The following SLC8A1 variants were observed in gnomAD, a reference collection of about 807,000 sequenced individuals.
SLC8A1 encodes solute carrier family 8 member A1, also known as sodium/calcium exchanger 1.
A neutral mutation model predicts 68.3 loss-of-function variants in SLC8A1; 18 were observed. The observed-to-expected ratio is 0.26, with a 90% CI of 0.18 to 0.39. The LOEUF (loss-of-function observed/expected upper bound fraction) is 0.39. Among genes scored for constraint, SLC8A1 ranks in the 10% least tolerant of loss-of-function variants. The pLI, the probability that SLC8A1 is intolerant of heterozygous loss-of-function variation, is 1.00. For missense variants in SLC8A1, 985 were observed against 1,156.7 expected, an observed-to-expected ratio of 0.85 and a Z score of 2.15; for synonymous variants, 475 against 415.5, an observed-to-expected ratio of 1.14 and a Z score of -1.74.
chr2:40,411,741 A>C (rs1406535794), intron 2 of SLC8A1, among the ~76,000 whole-genome samples: 1 of 152,094 alleles, frequency 6.6e-6, no homozygotes, highest in Non-Finnish European at 1.5e-5. Context: ...AAACCTTCAC[A>C]AAAAAGCAAG....
chr2:40,133,503 C>T (rs77768382), intron 7 of SLC8A1, among the ~76,000 whole-genome samples: 2,399 of 151,478 alleles, frequency 0.016, 73 homozygotes, highest in African/African-American at 0.054. Flanking sequence ...AAAGAATATT[C>T]GAAACATAGG....
At position 40,420,039 on chromosome 2, in the gene SLC8A1, A is replaced by G. The variant is rs1446817896; in HGVS notation, c.1808+8434T>C. 2.0e-5 allele frequency among the ~76,000 whole-genome samples: 3 copies of G among 152,294 alleles called. No homozygotes were observed. The South Asian group carries it at 6.2e-4, about 32-fold the overall frequency. Reference sequence around the variant, plus strand: ...ATATGCAAGATGTAACTGGACATTCATGTGATTTTAGGTAGAATTTTTTGT... The same window carrying G: ...ATATGCAAGATGTAACTGGACATTCGTGTGATTTTAGGTAGAATTTTTTGT... On this transcript the variant is annotated intron_variant, in intron 2 of 7. Transcript: ENST00000406785.
At chr2:40,390,291 CAT>C (rs1684867630) in intron 2 of SLC8A1, among the ~76,000 whole-genome samples, 1 of 152,042 alleles carries the variant, frequency 6.6e-6, no homozygotes, top group African/African-American at 2.4e-5. Flanking sequence ...GGCTTGGAAT[CAT>C]ATAATTATTT....
intron 2 of SLC8A1, among the ~76,000 whole-genome samples, chr2:40,379,022 C>T (rs1285855414): frequency 6.6e-6 from 1 of 152,114 alleles, no homozygotes; most frequent in Non-Finnish European, 1.5e-5. Flanking sequence ...CCCATGAGGG[C>T]AGGCTCTTTG....
chr2:40,436,352 G>A (rs1314203517), intron 1 of SLC8A1, among the ~76,000 whole-genome samples: 2 of 152,112 alleles, frequency 1.3e-5, no homozygotes, highest in Non-Finnish European at 2.9e-5. Flanking sequence ...GTTAAAAAAT[G>A]TTGTCTGTGT....
intron 2 of SLC8A1, among the ~76,000 whole-genome samples, chr2:40,200,222 T>TATATATAAATATAAA (rs1558722368): frequency 3.9e-4 from 2 of 5,172 alleles, no homozygotes; most frequent in African/African-American, 9.3e-4. Context: ...ATATATATTT[T>TATATATAAATATAAA]TTTATATATA....
At chr2:40,166,498 C>T (rs2046577523) in intron 4 of SLC8A1, among the ~76,000 whole-genome samples, 1 of 152,144 alleles carries the variant, frequency 6.6e-6, no homozygotes, top group Admixed American at 6.5e-5. Flanking sequence ...TGATTTTGGA[C>T]TGGCCAGAAG....
At chr2:40,449,621 G>A (rs1459194924) in intron 1 of SLC8A1, among the ~76,000 whole-genome samples, 1 of 152,142 alleles carries the variant, frequency 6.6e-6, no homozygotes, top group Non-Finnish European at 1.5e-5. Context: ...GTCAACAAAA[G>A]GGCTATGTGC....
chr2:40,370,162 C>A (rs529895772), intron 2 of SLC8A1, among the ~76,000 whole-genome samples: 13 of 152,218 alleles, frequency 8.5e-5, no homozygotes, highest in African/African-American at 2.9e-4. Context: ...GGAAAAAGGT[C>A]TCATTTCTGT....
At chr2:40,292,019 C>A (rs1354617775) in intron 2 of SLC8A1, among the ~76,000 whole-genome samples, 1 of 151,660 alleles carries the variant, frequency 6.6e-6, no homozygotes, top group South Asian at 2.1e-4. Flanking sequence ...ACTTCTAGCA[C>A]ATGCAGGTAG....
At chr2:40,195,592 GTAAA>G (rs2052812594) in intron 2 of SLC8A1, among the ~76,000 whole-genome samples, 1 of 152,008 alleles carries the variant, frequency 6.6e-6, no homozygotes, top group Non-Finnish European at 1.5e-5. Context: ...AATTATTTAA[GTAAA>G]TAGTGTTTGC....
chr2:40,374,161 G>A (rs1342174160), intron 2 of SLC8A1, among the ~76,000 whole-genome samples: 2 of 152,032 alleles, frequency 1.3e-5, no homozygotes, highest in Non-Finnish European at 2.9e-5. Context: ...AAGTCATACA[G>A]CTCATGAGAA....
At chr2:40,274,597 G>C (rs888470258) in intron 2 of SLC8A1, among the ~76,000 whole-genome samples, 1 of 152,292 alleles carries the variant, frequency 6.6e-6, no homozygotes, top group East Asian at 1.9e-4. Context: ...GATGATACAA[G>C]CATATCAACA....
Position 40,232,076 on chromosome 2 carries a change from C to T in SLC8A1, c.1809-54221G>A, listed in dbSNP as rs2059722473. On this transcript the variant is annotated intron_variant, in intron 2 of 7. Transcript: ENST00000406785. Reference sequence around the variant, plus strand: ...GGAAGATTTTAGCAGGAAATGGGTCCAGTTCAAAAAATCAAGCAAGGCTTG... The same window carrying T: ...GGAAGATTTTAGCAGGAAATGGGTCTAGTTCAAAAAATCAAGCAAGGCTTG... 2.0e-5 allele frequency among the ~76,000 whole-genome samples: 3 copies of T among 151,928 alleles called. 1 individual carries two copies. The highest frequency in any genetic ancestry group is 2.0e-4 in the Admixed American group (3 of 15,212).
At chr2:40,329,554 G>C (rs899553132) in intron 2 of SLC8A1, among the ~76,000 whole-genome samples, 2 of 152,192 alleles carry the variant, frequency 1.3e-5, no homozygotes, top group South Asian at 4.1e-4. Flanking sequence ...ATAAGAGATG[G>C]AAAGAGAAAA....
intron 2 of SLC8A1, among the ~76,000 whole-genome samples, chr2:40,396,449 T>G (rs1410632474): frequency 1.3e-5 from 2 of 152,066 alleles, no homozygotes; most frequent in African/African-American, 4.8e-5. Context: ...CATCATTCTA[T>G]TCTAGTAGCA....
At chr2:40,245,407 T>G (rs1263141706) in intron 2 of SLC8A1, among the ~76,000 whole-genome samples, 5 of 152,176 alleles carry the variant, frequency 3.3e-5, no homozygotes, top group Non-Finnish European at 7.3e-5. Flanking sequence ...AAAGGCCACG[T>G]GTCCACCAGA....
intron 2 of SLC8A1, among the ~76,000 whole-genome samples, chr2:40,353,890 C>T (rs1163554131): frequency 1.3e-5 from 2 of 152,180 alleles, no homozygotes; most frequent in African/African-American, 2.4e-5. Context: ...CCTCACTGCC[C>T]GGTCTGTCTT....
chr2:40,160,018 G>C (rs530633217), intron 6 of SLC8A1, among the ~76,000 whole-genome samples: 8 of 152,266 alleles, frequency 5.3e-5, no homozygotes, highest in African/African-American at 1.9e-4. Context: ...TTTAAAGAGA[G>C]CCAGTGTAGA....
Sources: gnomAD v4.1 joint callset for allele counts (sites outside exome capture counted in the v4.1 genomes callset) on GRCh38, gnomAD v4.1.1 for gene constraint, MANE v1.5 for transcripts, NCBI Gene and HGNC (gene_info 2026-07-23, HGNC 2026-07-21) for gene names.